Variants in CLSTN2 observed in about 807,000 individuals in gnomAD.
The protein encoded by CLSTN2 is calsyntenin 2, also known as calsyntenin-2.
In CLSTN2, 48 loss-of-function variants were observed where a neutral mutation model predicts 101.2. The ratio of observed to expected loss-of-function variants is 0.47; its 90% confidence interval spans 0.38 to 0.60. CLSTN2 has a LOEUF of 0.60. CLSTN2 is among the 20% of genes least tolerant of loss of function. The pLI is 0.00. For synonymous variants in CLSTN2, 481 were observed against 463.6 expected (o/e 1.04, Z -0.48); for missense variants, 1,160 against 1,238.2 (o/e 0.94, Z 0.95).
intron 2 of CLSTN2, among the ~76,000 whole-genome samples, chr3:140,373,738 T>C (rs535372018): frequency 6.6e-6 from 1 of 152,318 alleles, no homozygotes; most frequent in Non-Finnish European, 1.5e-5. Context: ...GCTCTGACTG[T>C]TGGTAAGTCA....
chr3:140,430,978 G>A (rs1263648864), intron 5 of CLSTN2, among the ~76,000 whole-genome samples: 7 of 152,228 alleles, frequency 4.6e-5, no homozygotes, highest in Non-Finnish European at 8.8e-5. Flanking sequence ...AATTTCCAAA[G>A]GGGGATGTTA....
chr3:140,083,042 T>G (rs2008624835), intron 1 of CLSTN2, among the ~76,000 whole-genome samples: 1 of 152,240 alleles, frequency 6.6e-6, no homozygotes, highest in Non-Finnish European at 1.5e-5. Context: ...ATAATTAAAC[T>G]TTATTAGGTC....
rs57707454 is a variant in CLSTN2 at position 140,128,412 on chromosome 3, G to A, written c.110-47539G>A. ...TCAGACAGCATCCTGGCAGGAAACA[G>A]ATGGCACATTCAAATTAGGTAGTAT... On this transcript the variant is annotated intron_variant, in intron 1 of 16. Transcript: ENST00000458420. 2.1e-3 allele frequency among the ~76,000 whole-genome samples: 314 copies of A among 152,318 alleles called. 2 individuals are homozygous for A. Among genetic ancestry groups the A allele is most frequent in the African/African-American group, 7.3e-3 (304 of 41,574 alleles).
At chr3:140,316,558 C>T (rs1217438109) in intron 2 of CLSTN2, among the ~76,000 whole-genome samples, 1 of 152,000 alleles carries the variant, frequency 6.6e-6, no homozygotes, top group African/African-American at 2.4e-5. Flanking sequence ...ATTGTTTTGC[C>T]TCTTGGTGGC....
intron 5 of CLSTN2, among the ~76,000 whole-genome samples, chr3:140,426,580 C>A (rs1309694279): frequency 6.6e-6 from 1 of 152,146 alleles, no homozygotes; most frequent in Non-Finnish European, 1.5e-5. Context: ...ATAGCACTGA[C>A]TGTCTTAAGG....
intron 8 of CLSTN2, among the ~76,000 whole-genome samples, chr3:140,525,557 C>A (rs1003516013): frequency 6.6e-6 from 1 of 152,122 alleles, no homozygotes; most frequent in Non-Finnish European, 1.5e-5. Context: ...AGAGAAGGAG[C>A]TCCTCCCTAA....
chr3:140,254,492 G>C (rs2086588848), intron 2 of CLSTN2, among the ~76,000 whole-genome samples: 1 of 152,160 alleles, frequency 6.6e-6, no homozygotes, highest in South Asian at 2.1e-4. Flanking sequence ...GAAACTTAGA[G>C]ATTTTTAACA....
At chr3:139,975,640 C>T (rs1255275795) in intron 1 of CLSTN2, among the ~76,000 whole-genome samples, 2 of 152,140 alleles carry the variant, frequency 1.3e-5, no homozygotes, top group African/African-American at 2.4e-5. Context: ...ACTTGGGCTT[C>T]TTGAAACACA....
intron 8 of CLSTN2, among the ~76,000 whole-genome samples, chr3:140,514,714 C>T (rs1037247318): frequency 2.0e-5 from 3 of 152,136 alleles, no homozygotes; most frequent in African/African-American, 7.2e-5. Context: ...CACTGTTTTC[C>T]ATAGTGGTTG....
intron 1 of CLSTN2, among the ~76,000 whole-genome samples, chr3:140,122,246 C>T (rs533310272): frequency 2.0e-5 from 3 of 152,170 alleles, no homozygotes; most frequent in Non-Finnish European, 4.4e-5. Flanking sequence ...ATCCCCACTA[C>T]AGGAACTTGT....
At chr3:140,464,481 G>T (rs775120120) in intron 7 of CLSTN2, among the ~76,000 whole-genome samples, 1 of 152,210 alleles carries the variant, frequency 6.6e-6, no homozygotes, top group South Asian at 2.1e-4. Flanking sequence ...GAATAAAATG[G>T]ATTCCTGAGC....
chr3:140,493,024 T>A (rs1934384044), intron 8 of CLSTN2, among the ~76,000 whole-genome samples: 1 of 124,360 alleles, frequency 8.0e-6, no homozygotes. Context: ...AGGTTTTTAT[T>A]TTTTTCACTT....
intron 8 of CLSTN2, among the ~76,000 whole-genome samples, chr3:140,485,559 G>C (rs992532039): frequency 1.3e-5 from 2 of 152,214 alleles, no homozygotes; most frequent in African/African-American, 4.8e-5. Flanking sequence ...CAGAGGTGGA[G>C]TCTACAGTGG....
chr3:140,104,585 C>G (rs1330775853), intron 1 of CLSTN2, among the ~76,000 whole-genome samples: 1 of 152,222 alleles, frequency 6.6e-6, no homozygotes, highest in Non-Finnish European at 1.5e-5. Context: ...GCTGATTTAC[C>G]CCATAAAGTG....
chr3:140,302,866 G>C (rs1171122192), intron 2 of CLSTN2, among the ~76,000 whole-genome samples: 2 of 152,126 alleles, frequency 1.3e-5, no homozygotes, highest in African/African-American at 4.8e-5. Flanking sequence ...AGTCAGGTGG[G>C]CTCAGATTTC....
chr3:140,346,229 A>G (rs2087544974), intron 2 of CLSTN2, among the ~76,000 whole-genome samples: 1 of 152,172 alleles, frequency 6.6e-6, no homozygotes, highest in Non-Finnish European at 1.5e-5. Context: ...ATCAGTTACC[A>G]CACTGTTTAT....
intron 1 of CLSTN2, among the ~76,000 whole-genome samples, chr3:139,979,563 G>C (rs1040002014): frequency 2.0e-5 from 3 of 152,106 alleles, no homozygotes; most frequent in Non-Finnish European, 2.9e-5. Flanking sequence ...AAAAAATTAA[G>C]TCCAGGTTCC....
chr3:140,252,416 T>G (rs2086572125), intron 2 of CLSTN2, among the ~76,000 whole-genome samples: 2 of 152,176 alleles, frequency 1.3e-5, no homozygotes, highest in African/African-American at 4.8e-5. Context: ...ATCCAGTGCT[T>G]GCTGGAAATG....
At chr3:140,428,261 A>G (rs952746061) in intron 5 of CLSTN2, among the ~76,000 whole-genome samples, 15 of 150,520 alleles carry the variant, frequency 1.0e-4, no homozygotes, top group Admixed American at 2.0e-4. Flanking sequence ...CCCTTGGCCC[A>G]TCTTTTTTTT....
Sources: allele counts gnomAD v4.1 joint callset (sites outside exome capture counted in the v4.1 genomes callset), GRCh38; gene constraint gnomAD v4.1.1; transcripts MANE v1.5; gene names NCBI Gene and HGNC (gene_info 2026-07-23, HGNC 2026-07-21).